RANBP2: variants seen among roughly 807,000 people sequenced by gnomAD.
The protein encoded by RANBP2 is E3 SUMO-protein ligase RanBP2.
A neutral mutation model predicts 303.6 loss-of-function variants in RANBP2; 57 were observed. The observed-to-expected ratio is 0.19, with a 90% CI of 0.15 to 0.23. The LOEUF (loss-of-function observed/expected upper bound fraction) is 0.23. Among genes scored for constraint, RANBP2 ranks in the 10% least tolerant of loss-of-function variants. The probability of loss-of-function intolerance (pLI) is 1.00; values close to 1 mark genes in which losing one functional copy is unlikely to be tolerated. For missense variants in RANBP2, 3,138 were observed against 3,780.8 expected, an observed-to-expected ratio of 0.83 and a Z score of 4.46; for synonymous variants, 1,167 against 1,301.5, an observed-to-expected ratio of 0.90 and a Z score of 2.23.
chr2:108,816,993 A>G, the RANBP2 span, among the ~76,000 whole-genome samples: 3 of 152,218 alleles, frequency 2.0e-5, no homozygotes, highest in South Asian at 2.1e-4. Flanking sequence ...CACTGTGCCC[A>G]GACCCAGTCA....
At chr2:109,712,132 T>G in the RANBP2 span, among the ~76,000 whole-genome samples, 1 of 152,222 alleles carries the variant, frequency 6.6e-6, no homozygotes, top group Admixed American at 6.5e-5. Context: ...AATGAAAGAT[T>G]TCATGTCCAG....
the RANBP2 span, among the ~76,000 whole-genome samples, chr2:108,972,221 C>T: frequency 4.6e-5 from 7 of 152,260 alleles, no homozygotes; most frequent in East Asian, 3.8e-4. Flanking sequence ...ATGACTAATA[C>T]GCCTTCCAGT....
At chr2:109,238,154 C>G in the RANBP2 span, among the ~76,000 whole-genome samples, 12 of 152,216 alleles carry the variant, frequency 7.9e-5, no homozygotes, top group African/African-American at 2.6e-4. Flanking sequence ...GAACCATGAT[C>G]ATGCGGGTGC....
At chr2:109,162,695 A>T in the RANBP2 span, among the ~76,000 whole-genome samples, 2 of 152,206 alleles carry the variant, frequency 1.3e-5, no homozygotes, top group Admixed American at 6.5e-5. Flanking sequence ...ATACGTGTGC[A>T]TGTGTCTTTA....
the RANBP2 span, among the ~76,000 whole-genome samples, chr2:109,179,120 T>C: frequency 6.6e-6 from 1 of 151,868 alleles, no homozygotes; most frequent in African/African-American, 2.4e-5. Context: ...TGAAATGTCA[T>C]GGCAGCTGGA....
chr2:108,915,741 A>G, the RANBP2 span, among the ~76,000 whole-genome samples: 4 of 152,172 alleles, frequency 2.6e-5, no homozygotes, highest in East Asian at 7.8e-4. Context: ...TACTAAAAGT[A>G]CAAAAATTAG....
At chr2:109,053,732 TC>T in the RANBP2 span, among the ~76,000 whole-genome samples, 1 of 152,202 alleles carries the variant, frequency 6.6e-6, no homozygotes, top group Non-Finnish European at 1.5e-5. Flanking sequence ...CGAACCTGCT[TC>T]CTAGGCTGCT....
At chr2:109,167,505 T>C in the RANBP2 span, among the ~76,000 whole-genome samples, 1 of 152,200 alleles carries the variant, frequency 6.6e-6, no homozygotes, top group Admixed American at 6.5e-5. Flanking sequence ...TGTTTTACAT[T>C]GTATTTCCCC....
At chr2:109,381,859 T>C in the RANBP2 span, among the ~76,000 whole-genome samples, 1 of 152,140 alleles carries the variant, frequency 6.6e-6, no homozygotes, top group Non-Finnish European at 1.5e-5. Flanking sequence ...GGGGGAAAGC[T>C]GTGCATGTTT....
chr2:108,874,917 A>C, the RANBP2 span, among the ~76,000 whole-genome samples: 1 of 88,724 alleles, frequency 1.1e-5, no homozygotes, highest in Admixed American at 1.6e-4. Flanking sequence ...TTCTTAATTC[A>C]TGGGATTTTT....
the RANBP2 span, among the ~76,000 whole-genome samples, chr2:109,029,380 G>C: frequency 6.6e-6 from 1 of 152,130 alleles, no homozygotes; most frequent in East Asian, 1.9e-4. Context: ...TGTGTAAATG[G>C]GAGAAACTTC....
At chr2:109,385,086 TC>T in the RANBP2 span, among the ~76,000 whole-genome samples, 1 of 152,210 alleles carries the variant, frequency 6.6e-6, no homozygotes, top group Non-Finnish European at 1.5e-5. Flanking sequence ...CCTTCATCTG[TC>T]CCTTCCTCTG....
the RANBP2 span, among the ~76,000 whole-genome samples, chr2:108,826,027 G>A: frequency 3.1e-4 from 47 of 152,262 alleles, no homozygotes; most frequent in Non-Finnish European, 6.8e-4. Flanking sequence ...ATCATTTCAT[G>A]TGCTTGTTGG....
the RANBP2 span, among the ~76,000 whole-genome samples, chr2:108,902,904 C>T: frequency 1.3e-5 from 2 of 151,802 alleles, no homozygotes; most frequent in Non-Finnish European, 1.5e-5. Context: ...ATAGCCAGTG[C>T]AATAAAATGA....
At chr2:108,847,438 A>T in the RANBP2 span, among the ~76,000 whole-genome samples, 2 of 152,200 alleles carry the variant, frequency 1.3e-5, no homozygotes, top group Non-Finnish European at 2.9e-5. Context: ...CCCTTTACAG[A>T]AAATGTTTTT....
chr2:108,816,324 G>A, the RANBP2 span, among the ~76,000 whole-genome samples: 1 of 152,086 alleles, frequency 6.6e-6, no homozygotes, highest in East Asian at 1.9e-4. Context: ...TTTGGCACGT[G>A]CCTGTAATCT....
chr2:109,062,833 G>A, the RANBP2 span, among the ~76,000 whole-genome samples: 5 of 151,900 alleles, frequency 3.3e-5, no homozygotes, highest in South Asian at 2.1e-4. Flanking sequence ...GGGGGTGGAG[G>A]GATGTGTTGG....
the RANBP2 span, among the ~76,000 whole-genome samples, chr2:109,254,128 A>T: frequency 1.1e-4 from 17 of 152,268 alleles, no homozygotes; most frequent in African/African-American, 4.1e-4. Context: ...CTGCCTCACC[A>T]ACCCCTCTAG....
chr2:109,048,382 A>C, the RANBP2 span, among the ~76,000 whole-genome samples: 1 of 152,216 alleles, frequency 6.6e-6, no homozygotes, highest in East Asian at 1.9e-4. Context: ...ATTTGATGCT[A>C]TCCTGGAAAA....
Sources: allele counts gnomAD v4.1 joint callset (sites outside exome capture counted in the v4.1 genomes callset), GRCh38; gene constraint gnomAD v4.1.1; transcripts MANE v1.5; gene names NCBI Gene and HGNC (gene_info 2026-07-23, HGNC 2026-07-21).